Variants in KALRN observed in about 807,000 individuals in gnomAD.
KALRN encodes the protein kalirin.
KALRN carries 70 observed loss-of-function variants against 353.7 expected under a neutral mutation model. That is an observed-to-expected ratio of 0.20 (90% CI 0.16 to 0.24). KALRN has a LOEUF of 0.24. Ranked by LOEUF, KALRN falls within the 10% of genes least tolerant of loss-of-function variation. The pLI is 1.00. For synonymous variants in KALRN, 1,391 were observed against 1,434.8 expected, an observed-to-expected ratio of 0.97 and a Z score of 0.69; for missense variants, 2,791 against 3,756.7, an observed-to-expected ratio of 0.74 and a Z score of 6.72.
intron 13 of KALRN, among the ~76,000 whole-genome samples, chr3:124,401,030 C>G (rs560084974): frequency 6.6e-6 from 1 of 152,302 alleles, no homozygotes; most frequent in South Asian, 2.1e-4. Context: ...GACTACACCC[C>G]TCACATCAGC....
intron 1 of KALRN, among the ~76,000 whole-genome samples, chr3:124,097,722 A>G (rs973429334): frequency 1.3e-5 from 2 of 152,238 alleles, no homozygotes; most frequent in South Asian, 4.1e-4. Context: ...ATCACTGTTC[A>G]GCTAAGGGTA....
intron 51 of KALRN, among the ~76,000 whole-genome samples, chr3:124,683,824 G>A (rs2061442233): frequency 6.6e-6 from 1 of 152,218 alleles, no homozygotes. Context: ...AGATTAGAGA[G>A]AGAAAGCACT....
intron 3 of KALRN, among the ~76,000 whole-genome samples, chr3:124,247,571 A>C (rs1400719432): frequency 6.6e-6 from 1 of 152,190 alleles, no homozygotes; most frequent in Non-Finnish European, 1.5e-5. Context: ...CTAACAAAAA[A>C]CATTCCTGTT....
chr3:124,272,047 G>C (rs1390560752), intron 5 of KALRN, among the ~76,000 whole-genome samples: 3 of 152,188 alleles, frequency 2.0e-5, no homozygotes, highest in Non-Finnish European at 4.4e-5. Flanking sequence ...TAAAGAGAGA[G>C]GGGGCTAAGG....
intron 13 of KALRN, among the ~76,000 whole-genome samples, chr3:124,400,987 C>T (rs945890456): frequency 1.3e-5 from 2 of 152,156 alleles, no homozygotes; most frequent in African/African-American, 4.8e-5. Flanking sequence ...TGGTTCAGCG[C>T]TGGAATGGGT....
intron 1 of KALRN, among the ~76,000 whole-genome samples, chr3:124,199,666 G>A (rs990233792): frequency 1.2e-4 from 19 of 152,168 alleles, no homozygotes; most frequent in Non-Finnish European, 2.9e-5. Flanking sequence ...TCAGAACAGT[G>A]GCCGGGCAAT....
chr3:124,318,882 A>G (rs940791140), intron 6 of KALRN, among the ~76,000 whole-genome samples: 2 of 152,264 alleles, frequency 1.3e-5, no homozygotes. Context: ...GATATCACAC[A>G]CATTAGGTAG....
rs1390960792 is a variant in KALRN, at chr3:124,696,280, C to T, written c.7699+25C>T. 3 of 1,608,386 alleles carry T rather than the reference C, an allele frequency of 1.9e-6. No homozygotes were observed. The African/African-American group carries it at 4.0e-5, about 22-fold the overall frequency. ...GGTACAGCCTCTTTGTTAGTCAAAC[C>T]TTTTGAAATATATATATATTTTTAG... is the stretch of plus-strand genomic sequence containing the variant. On this transcript the variant is annotated intron_variant, in intron 54 of 59. Transcript: ENST00000682506.
At chr3:124,569,592 C>T (rs1270029689) in intron 34 of KALRN, among the ~76,000 whole-genome samples, 2 of 152,200 alleles carry the variant, frequency 1.3e-5, no homozygotes, top group Admixed American at 6.5e-5. Flanking sequence ...AGCTGACAAG[C>T]AGTGGGCCTA....
intron 57 of KALRN, among the ~76,000 whole-genome samples, chr3:124,711,032 A>G (rs578084430): frequency 6.6e-6 from 1 of 152,364 alleles, no homozygotes; most frequent in East Asian, 1.9e-4. Flanking sequence ...GAGTGCTGTT[A>G]AAACCAGAAT....
intron 37 of KALRN, among the ~76,000 whole-genome samples, chr3:124,645,193 A>C (rs75124778): frequency 0.23 from 35,675 of 151,912 alleles, 4,495 homozygotes; most frequent in East Asian, 0.47. Flanking sequence ...TTTCTTGTAA[A>C]TTTGTTTAAG....
chr3:124,246,333 T>C (rs2148701193), intron 3 of KALRN, among the ~76,000 whole-genome samples: 1 of 152,378 alleles, frequency 6.6e-6, no homozygotes, highest in Admixed American at 6.5e-5. Flanking sequence ...AAGGGATTGG[T>C]CACAGGGCCT....
intron 1 of KALRN, among the ~76,000 whole-genome samples, chr3:124,135,188 A>G (rs2065782506): frequency 6.6e-6 from 1 of 152,232 alleles, no homozygotes; most frequent in Non-Finnish European, 1.5e-5. Context: ...ATGGAATACT[A>G]CTCAGCCCTA....
chr3:124,608,028 G>A (rs149595347), intron 34 of KALRN, among the ~76,000 whole-genome samples: 2,684 of 139,214 alleles, frequency 0.019, 84 homozygotes, highest in African/African-American at 0.066. Context: ...TTTTTTTTTA[G>A]GACAGGGTCT....
At chr3:124,429,002 C>T (rs1295670355) in intron 15 of KALRN, among the ~76,000 whole-genome samples, 1 of 152,154 alleles carries the variant, frequency 6.6e-6, no homozygotes, top group African/African-American at 2.4e-5. Flanking sequence ...ACTGTGAGCT[C>T]CATTTCCCAA....
At chr3:124,041,966 G>A (rs2040008305) in intron 1 of KALRN, among the ~76,000 whole-genome samples, 2 of 152,192 alleles carry the variant, frequency 1.3e-5, no homozygotes, top group Non-Finnish European at 2.9e-5. Flanking sequence ...GACATTATTA[G>A]AAGGGAGCTG....
rs745593277 is a variant in KALRN at position 124,269,022 on chromosome 3, G to C, written c.736G>C (p.Glu246Gln). 6.2e-7 allele frequency: 1 copy of C among 1,613,674 alleles called. No individual in the cohort carries two copies. The highest frequency in any genetic ancestry group is 1.7e-5 in the Admixed American group (1 of 59,990). ...AAAGGTGCTGAAGGCCCCTGTGGAG[G>C]AGCTGGACCGGGAGGGGCAGCGGCT... ...KKKVLKAPVEELDREGQRLLQ... is the reference protein window; with the variant it reads ...KKKVLKAPVEQLDREGQRLLQ... Residue 246 changes from glutamate to glutamine, a missense_variant, in exon 5 of 60, where the codon GAG (glutamate) becomes CAG (glutamine). Physicochemically the swap from Glu to Gln is conservative, Grantham distance 29. Transcript: ENST00000682506.
chr3:124,492,924 C>G (rs779449663), intron 32 of KALRN, 42 bp downstream of exon 32: 1 of 1,601,038 alleles, frequency 6.2e-7, no homozygotes, highest in South Asian at 1.1e-5. Context: ...GCCTCACAGG[C>G]TTCCGGGTGC....
intron 48 of KALRN, among the ~76,000 whole-genome samples, 177 bp downstream of exon 48, chr3:124,672,075 G>A (rs1211694215): frequency 6.6e-6 from 1 of 152,080 alleles, no homozygotes; most frequent in African/African-American, 2.4e-5. Context: ...TCAGCCTCCC[G>A]AGTAGCTGGG....
Sources: gnomAD v4.1 joint callset for allele counts (sites outside exome capture counted in the v4.1 genomes callset) on GRCh38, gnomAD v4.1.1 for gene constraint, MANE v1.5 for transcripts, NCBI Gene and HGNC (gene_info 2026-07-23, HGNC 2026-07-21) for gene names.